The following FAM86B2 variants were observed in gnomAD, a reference collection of about 807,000 sequenced individuals.
FAM86B2 encodes putative protein N-methyltransferase FAM86B2.
A neutral mutation model predicts 26.5 loss-of-function variants in FAM86B2; 1 was observed. That is an observed-to-expected ratio of 0.04 (90% CI 0.01 to 0.18). The LOEUF is 0.18. Among genes scored for constraint, FAM86B2 ranks in the 10% least tolerant of loss-of-function variants. FAM86B2 has a pLI of 1.00. For synonymous variants in FAM86B2, 11 were observed against 127.8 expected, an observed-to-expected ratio of 0.09 and a Z score of 6.17; for missense variants, 43 against 303.5, an observed-to-expected ratio of 0.14 and a Z score of 6.38.
Position 12,424,950 on chromosome 8 carries a change from G to T in FAM86B2, c.*939C>A. The T allele has an allele frequency of 1.3e-6, 2 of 1,536,294 alleles. No individual in the cohort carries two copies. The highest frequency in any genetic ancestry group is 2.3e-5 in the East Asian group (1 of 43,040). Reference sequence around the variant, plus strand: ...AACCTGCAAGAGTCTCAGCAGCTCTGATGGGATGAGAGCTGGGTGCAGACT... The same window carrying T: ...AACCTGCAAGAGTCTCAGCAGCTCTTATGGGATGAGAGCTGGGTGCAGACT... On this transcript the variant is annotated 3_prime_UTR_variant, in exon 8 of 8. Coordinates refer to ENST00000262365, the MANE Select transcript of FAM86B2 (RefSeq NM_001137610.3).
chr8:12,435,966 AGTC>A (rs1798637992), intron 1 of FAM86B2, among the ~76,000 whole-genome samples: 1 of 151,578 alleles, frequency 6.6e-6, no homozygotes, highest in Admixed American at 6.6e-5. Flanking sequence ...GCCTTTAAAA[AGTC>A]GTGAAAATGA....
intron 7 of FAM86B2, 97 bp from the exon 8 acceptor site, chr8:12,426,086 G>C (rs866699610): frequency 3.5e-6 from 1 of 288,318 alleles, no homozygotes; most frequent in Non-Finnish European, 5.7e-6. Flanking sequence ...GGGGTGGGGG[G>C]TGTCTAAGTC....
At chr8:12,428,497 A>G (rs1813009449) in intron 6 of FAM86B2, 136 bp downstream of exon 6, 1 of 1,389,622 alleles carries the variant, frequency 7.2e-7, no homozygotes, top group African/African-American at 1.5e-5. Context: ...GTCACCCTGG[A>G]GGCCCAGAGT....
chr8:12,435,519 T>G (rs1300690047), intron 1 of FAM86B2, among the ~76,000 whole-genome samples: 3 of 136,108 alleles, frequency 2.2e-5, no homozygotes, highest in Non-Finnish European at 4.9e-5. Context: ...GTGCTAAATA[T>G]TTTATGTCAA....
chr8:12,426,681 T>C (rs1812669245), intron 7 of FAM86B2, among the ~76,000 whole-genome samples: 1 of 29,138 alleles, frequency 3.4e-5, no homozygotes, highest in African/African-American at 1.4e-4. Flanking sequence ...TTTGTGAAGA[T>C]GGGGTCCCAC....
chr8:12,429,410 T>A (rs1295950000), intron 4 of FAM86B2, among the ~76,000 whole-genome samples: 1 of 45,850 alleles, frequency 2.2e-5, no homozygotes, highest in Non-Finnish European at 3.9e-5. Context: ...GGTGTGGCTA[T>A]GAAGAGGTGG....
intron 6 of FAM86B2, among the ~76,000 whole-genome samples, chr8:12,428,278 G>C (rs1319467064): frequency 1.5e-4 from 21 of 141,184 alleles, no homozygotes; most frequent in African/African-American, 5.4e-4. Context: ...GGGGTGAGGG[G>C]TTTTCGGTGG....
At chr8:12,428,276 G>C (rs1399062381) in intron 6 of FAM86B2, among the ~76,000 whole-genome samples, 143 of 140,798 alleles carry the variant, frequency 1.0e-3, no homozygotes, top group African/African-American at 3.6e-3. Flanking sequence ...CAGGGGTGAG[G>C]GGTTTTCGGT....
At chr8:12,435,323 G>T (rs1271857755) in intron 1 of FAM86B2, among the ~76,000 whole-genome samples, 1 of 113,454 alleles carries the variant, frequency 8.8e-6, no homozygotes, top group Non-Finnish European at 1.9e-5. Flanking sequence ...CAATCCCTCT[G>T]GTCAAATGTG....
chr8:12,432,830 G>C (rs373774442), intron 2 of FAM86B2, among the ~76,000 whole-genome samples: 4,208 of 141,304 alleles, frequency 0.03, 17 homozygotes, highest in Non-Finnish European at 0.036. Context: ...AAGTACCCCA[G>C]GCAATACACA....
At chr8:12,426,580 C>T (rs1462685713) in intron 7 of FAM86B2, among the ~76,000 whole-genome samples, 1 of 69,564 alleles carries the variant, frequency 1.4e-5, no homozygotes, top group African/African-American at 6.0e-5. Flanking sequence ...GCAGCCTCCA[C>T]CTCATGGGCT....
In FAM86B2 at chr8:12,433,895, AG is replaced by A. The variant is rs1451022420; in HGVS notation, c.159+156del. On this transcript the variant is annotated intron_variant, in intron 2 of 7. Coordinates refer to ENST00000262365, the MANE Select transcript of FAM86B2 (RefSeq NM_001137610.3). Reference sequence around the variant, plus strand: ...AAAACGAAACCGTAGGAGCTGTCGGAGGTGCTGACACCCTTCTGAAGTGCTG... The same window carrying A: ...AAAACGAAACCGTAGGAGCTGTCGGAGTGCTGACACCCTTCTGAAGTGCTG... 6.1e-5 allele frequency among the ~76,000 whole-genome samples: 5 copies of A among 81,816 alleles called. 1 individual carries two copies. The highest frequency in any genetic ancestry group is 1.6e-4 in the African/African-American group (5 of 31,686). The allele number at this position is 81,816 out of a possible 152,430, so 53.7% of individuals were successfully genotyped here.
chr8:12,428,401 G>T (rs3882673), intron 6 of FAM86B2, among the ~76,000 whole-genome samples: 1 of 152,054 alleles, frequency 6.6e-6, no homozygotes, highest in Non-Finnish European at 1.5e-5. Context: ...GAGCCATGTG[G>T]TGACGACTGT....
intron 7 of FAM86B2, among the ~76,000 whole-genome samples, chr8:12,426,535 C>G (rs1812658985): frequency 1.4e-5 from 1 of 71,124 alleles, no homozygotes; most frequent in East Asian, 4.6e-4. Context: ...CTCTGTTACC[C>G]ACGCTGGAGT....
chr8:12,426,240 C>A (rs1451541232), intron 7 of FAM86B2, among the ~76,000 whole-genome samples: 1 of 148,228 alleles, frequency 6.7e-6, no homozygotes, highest in Non-Finnish European at 1.5e-5. Context: ...TCTGCCCCAG[C>A]ACTTGGCACA....
chr8:12,430,849 G>C (rs1229033866), intron 3 of FAM86B2, among the ~76,000 whole-genome samples: 6 of 33,830 alleles, frequency 1.8e-4, no homozygotes, highest in African/African-American at 2.2e-4. Flanking sequence ...AGAGAGCTCT[G>C]TGTTTGGATC....
chr8:12,428,414 C>T (rs199638324), intron 6 of FAM86B2, among the ~76,000 whole-genome samples: 17,152 of 135,730 alleles, frequency 0.13, 324 homozygotes, highest in African/African-American at 0.37. Context: ...ACGACTGTAA[C>T]GGGAGTATGC....
At chr8:12,426,216 A>G (rs1172253752) in intron 7 of FAM86B2, among the ~76,000 whole-genome samples, 2 of 148,090 alleles carry the variant, frequency 1.4e-5, no homozygotes, top group Admixed American at 6.9e-5. Flanking sequence ...GCCGCTGTCC[A>G]CTCTGTGCCT....
At chr8:12,435,864 G>A (rs1193130810) in intron 1 of FAM86B2, among the ~76,000 whole-genome samples, 2 of 140,922 alleles carry the variant, frequency 1.4e-5, no homozygotes, top group Admixed American at 6.9e-5. Flanking sequence ...TGGTCACCAC[G>A]CTCAGGAGGA....
Sources: allele counts gnomAD v4.1 joint callset (sites outside exome capture counted in the v4.1 genomes callset), GRCh38; gene constraint gnomAD v4.1.1; transcripts MANE v1.5; gene names NCBI Gene and HGNC (gene_info 2026-07-23, HGNC 2026-07-21).